Variants in FHIT observed in about 807,000 individuals in gnomAD.
The protein encoded by FHIT is bis(5'-adenosyl)-triphosphatase.
Under a neutral mutation model 17.9 loss-of-function variants are expected in FHIT, and 19 were observed. The ratio of observed to expected loss-of-function variants is 1.06; its 90% CI spans 0.74 to 1.56. The LOEUF is 1.56. Among genes scored for constraint, FHIT ranks in the 40% most tolerant of loss-of-function variants. The pLI, the probability that FHIT is intolerant of heterozygous loss-of-function variation, is 0.00. For missense variants in FHIT, 248 were observed against 189.2 expected, an observed-to-expected ratio of 1.31 and a Z score of -1.82; for synonymous variants, 81 against 69.7, an observed-to-expected ratio of 1.16 and a Z score of -0.81.
At chr3:60,169,299 G>A (rs1479777708) in intron 5 of FHIT, among the ~76,000 whole-genome samples, 2 of 152,116 alleles carry the variant, frequency 1.3e-5, no homozygotes, top group African/African-American at 4.8e-5. Flanking sequence ...CAGGGGTACT[G>A]TAATACCCTG....
intron 1 of FHIT, among the ~76,000 whole-genome samples, chr3:61,221,282 G>T (rs758700127): frequency 2.6e-5 from 4 of 152,202 alleles, no homozygotes; most frequent in Non-Finnish European, 5.9e-5. Context: ...CTCAGAACGG[G>T]ATGACATTTT....
intron 2 of FHIT, among the ~76,000 whole-genome samples, chr3:61,139,971 T>C (rs1390895549): frequency 1.3e-5 from 2 of 149,116 alleles, no homozygotes; most frequent in East Asian, 2.0e-4. Flanking sequence ...ATTTAACTCA[T>C]CATCATCTAT....
At chr3:60,529,896 T>C (rs759567267) in intron 5 of FHIT, among the ~76,000 whole-genome samples, 5 of 152,126 alleles carry the variant, frequency 3.3e-5, no homozygotes, top group African/African-American at 9.7e-5. Context: ...CCAGCATACA[T>C]ACACATTAAC....
chr3:61,103,793 C>G (rs2035907899), intron 2 of FHIT, among the ~76,000 whole-genome samples: 1 of 151,980 alleles, frequency 6.6e-6, no homozygotes, highest in South Asian at 2.1e-4. Flanking sequence ...GAATTGATTC[C>G]TTTGCCATTA....
At chr3:59,778,817 T>A (rs1702446518) in intron 8 of FHIT, among the ~76,000 whole-genome samples, 1 of 152,160 alleles carries the variant, frequency 6.6e-6, no homozygotes, top group African/African-American at 2.4e-5. Context: ...TTACCTTAAG[T>A]TTTCTAAAGC....
chr3:60,491,091 T>C (rs1389830234), intron 5 of FHIT, among the ~76,000 whole-genome samples: 2 of 152,180 alleles, frequency 1.3e-5, no homozygotes, highest in Admixed American at 1.3e-4. Flanking sequence ...AACCAAATGG[T>C]GCTGAGTTGT....
At chr3:60,390,417 AAAAAAAAAAAAC>A (rs1271773352) in intron 5 of FHIT, among the ~76,000 whole-genome samples, 5 of 130,956 alleles carry the variant, frequency 3.8e-5, no homozygotes, top group East Asian at 2.3e-4. Flanking sequence ...AAAAAAAAAA[AAAAAAAAAAAAC>A]CCGTACCCTC....
chr3:59,850,661 T>C (rs1282600364), intron 8 of FHIT, among the ~76,000 whole-genome samples: 2 of 152,078 alleles, frequency 1.3e-5, no homozygotes, highest in Non-Finnish European at 2.9e-5. Flanking sequence ...ATTTAAGATA[T>C]CAATTAAAAA....
At chr3:61,214,168 G>T (rs554112860) in intron 1 of FHIT, among the ~76,000 whole-genome samples, 1 of 152,236 alleles carries the variant, frequency 6.6e-6, no homozygotes. Flanking sequence ...GAGCAGAACT[G>T]AAGGAAATAG....
intron 4 of FHIT, among the ~76,000 whole-genome samples, chr3:60,708,655 T>A (rs986464721): frequency 6.6e-6 from 1 of 152,144 alleles, no homozygotes; most frequent in Admixed American, 6.5e-5. Flanking sequence ...GCCCTAAAAT[T>A]AAAATTCCAG....
intron 3 of FHIT, among the ~76,000 whole-genome samples, chr3:60,840,045 G>A (rs1204016776): frequency 6.6e-6 from 1 of 152,034 alleles, no homozygotes; most frequent in African/African-American, 2.4e-5. Flanking sequence ...TCCGTGAGGA[G>A]CTCTCTAGCA....
intron 5 of FHIT, among the ~76,000 whole-genome samples, chr3:60,419,503 A>C (rs960868572): frequency 9.9e-5 from 15 of 152,086 alleles, no homozygotes; most frequent in Admixed American, 1.3e-4. Flanking sequence ...AAAGCTTTTC[A>C]CTCTGTTACA....
chr3:59,934,369 G>T (rs1706125653), intron 7 of FHIT, among the ~76,000 whole-genome samples: 1 of 152,036 alleles, frequency 6.6e-6, no homozygotes, highest in Admixed American at 6.6e-5. Context: ...TAAGCCCACT[G>T]CCCCTGCACC....
chr3:60,412,622 A>C (rs1345912957), intron 5 of FHIT, among the ~76,000 whole-genome samples: 3 of 152,020 alleles, frequency 2.0e-5, no homozygotes, highest in African/African-American at 7.3e-5. Flanking sequence ...TAGCCATACC[A>C]GGAGGTAGCC....
intron 5 of FHIT, among the ~76,000 whole-genome samples, chr3:60,446,887 TAATAATAATAATAAA>T (rs1373820047): frequency 2.8e-5 from 4 of 141,204 alleles, no homozygotes; most frequent in Admixed American, 7.1e-5. Flanking sequence ...ATAATAATAA[TAATAATAATAATAAA>T]AAGCCTTCAG....
chr3:60,804,732 T>A (rs1352817791), intron 4 of FHIT, among the ~76,000 whole-genome samples: 1 of 152,190 alleles, frequency 6.6e-6, no homozygotes, highest in Non-Finnish European at 1.5e-5. Context: ...AGATTCAACC[T>A]CTAAGCCTTT....
chr3:61,035,429 G>A (rs965254987), intron 3 of FHIT, among the ~76,000 whole-genome samples: 11 of 152,138 alleles, frequency 7.2e-5, no homozygotes, highest in East Asian at 1.9e-4. Context: ...TTACATTACA[G>A]TTGACACTAG....
At chr3:60,113,056 C>A (rs1052152286) in intron 5 of FHIT, among the ~76,000 whole-genome samples, 8 of 152,186 alleles carry the variant, frequency 5.3e-5, no homozygotes, top group African/African-American at 1.9e-4. Flanking sequence ...GCTTTCCTGA[C>A]CATCCAATCT....
At chr3:60,228,607 T>C (rs1328301670) in intron 5 of FHIT, among the ~76,000 whole-genome samples, 1 of 152,208 alleles carries the variant, frequency 6.6e-6, no homozygotes, top group East Asian at 1.9e-4. Context: ...TTTCTACATG[T>C]ATAAAATGGG....
Sources: allele counts gnomAD v4.1 joint callset (sites outside exome capture counted in the v4.1 genomes callset), GRCh38; gene constraint gnomAD v4.1.1; transcripts MANE v1.5; gene names NCBI Gene and HGNC (gene_info 2026-07-23, HGNC 2026-07-21).